THSD7B: variants seen among roughly 807,000 people sequenced by gnomAD.
THSD7B encodes the protein thrombospondin type 1 domain containing 7B.
A neutral mutation model predicts 213.6 loss-of-function variants in THSD7B; 138 were observed. The ratio of observed to expected loss-of-function variants is 0.65; its 90% CI spans 0.56 to 0.74. THSD7B has a LOEUF of 0.74. Among genes scored for constraint, THSD7B ranks in the 30% least tolerant of loss-of-function variants. The pLI is 0.00. For missense variants in THSD7B, 1,931 were observed against 1,991.5 expected (o/e 0.97, Z 0.58); for synonymous variants, 742 against 687.0 (o/e 1.08, Z -1.25).
At chr2:136,999,021 C>T (rs898632779) in intron 2 of THSD7B, among the ~76,000 whole-genome samples, 2 of 151,436 alleles carry the variant, frequency 1.3e-5, no homozygotes, top group African/African-American at 4.9e-5. Flanking sequence ...GTTTCACCTC[C>T]TTGTTGAAGT....
At chr2:137,100,508 T>C (rs1688130177) in intron 4 of THSD7B, among the ~76,000 whole-genome samples, 1 of 152,060 alleles carries the variant, frequency 6.6e-6, no homozygotes, top group African/African-American at 2.4e-5. Flanking sequence ...ATCGTGTCCT[T>C]TAAGAGTGCT....
chr2:137,533,367 C>T (rs937716257), intron 15 of THSD7B, among the ~76,000 whole-genome samples: 1 of 151,778 alleles, frequency 6.6e-6, no homozygotes, highest in Non-Finnish European at 1.5e-5. Flanking sequence ...ACATGAGAGA[C>T]AACTTCTTTA....
intron 3 of THSD7B, among the ~76,000 whole-genome samples, chr2:137,072,381 A>G (rs1687511515): frequency 6.6e-6 from 1 of 151,290 alleles, no homozygotes; most frequent in Admixed American, 6.6e-5. Context: ...TGTGAATGGG[A>G]GTTTACTCAT....
intron 2 of THSD7B, among the ~76,000 whole-genome samples, chr2:137,002,083 G>A (rs1044151205): frequency 3.3e-5 from 5 of 151,936 alleles, no homozygotes; most frequent in Admixed American, 1.3e-4. Context: ...TTTGCCTTCC[G>A]CATATGACTG....
intron 2 of THSD7B, among the ~76,000 whole-genome samples, chr2:136,958,739 G>C (rs7585577): frequency 0.074 from 11,285 of 152,230 alleles, 678 homozygotes; most frequent in African/African-American, 0.16. Context: ...CTGATTTACA[G>C]GAGGGAGGTT....
intron 3 of THSD7B, among the ~76,000 whole-genome samples, chr2:137,059,242 C>T (rs1687225931): frequency 6.6e-6 from 1 of 152,150 alleles, no homozygotes; most frequent in Non-Finnish European, 1.5e-5. Context: ...GCTCCACTCT[C>T]ATGACCTGAT....
At chr2:137,585,378 C>A (rs1376505021) in intron 17 of THSD7B, among the ~76,000 whole-genome samples, 3 of 152,100 alleles carry the variant, frequency 2.0e-5, no homozygotes, top group Non-Finnish European at 4.4e-5. Context: ...TTGCCTTCTG[C>A]TAGCTTTTGA....
intron 12 of THSD7B, among the ~76,000 whole-genome samples, chr2:137,304,734 C>T (rs1470037469): frequency 3.3e-5 from 5 of 151,912 alleles, no homozygotes; most frequent in Non-Finnish European, 7.4e-5. Context: ...AGCCATGGCT[C>T]TCTTTAGGAA....
intron 1 of THSD7B, among the ~76,000 whole-genome samples, chr2:136,816,711 A>G (rs1682480280): frequency 6.6e-6 from 1 of 152,218 alleles, no homozygotes; most frequent in Non-Finnish European, 1.5e-5. Flanking sequence ...AAGGCTGCAC[A>G]TATTTGCATC....
At chr2:137,482,268 C>T (rs1417583030) in intron 15 of THSD7B, among the ~76,000 whole-genome samples, 1 of 151,396 alleles carries the variant, frequency 6.6e-6, no homozygotes, top group Non-Finnish European at 1.5e-5. Flanking sequence ...TAGAGGCCAA[C>T]TTTTCAAATG....
At chr2:136,840,932 G>C (rs1171074099) in intron 1 of THSD7B, among the ~76,000 whole-genome samples, 1 of 152,126 alleles carries the variant, frequency 6.6e-6, no homozygotes, top group African/African-American at 2.4e-5. Flanking sequence ...TTTTTGGTTT[G>C]ATTGGATAGT....
At chr2:136,785,580 C>T (rs192347308) in intron 1 of THSD7B, among the ~76,000 whole-genome samples, 2 of 152,290 alleles carry the variant, frequency 1.3e-5, no homozygotes, top group African/African-American at 4.8e-5. Context: ...AACATGTCTG[C>T]TCTGTTTCAA....
At chr2:137,412,085 T>C (rs1189091734) in intron 14 of THSD7B, among the ~76,000 whole-genome samples, 1 of 152,198 alleles carries the variant, frequency 6.6e-6, no homozygotes, top group Non-Finnish European at 1.5e-5. Flanking sequence ...GATCCCTGAC[T>C]CACTTCATTC....
intron 5 of THSD7B, among the ~76,000 whole-genome samples, chr2:137,123,018 G>A (rs1688570659): frequency 6.6e-6 from 1 of 152,138 alleles, no homozygotes; most frequent in Non-Finnish European, 1.5e-5. Flanking sequence ...CCAGCACTGG[G>A]CACAGTATCT....
At chr2:137,134,965 G>T (rs1679406853) in intron 5 of THSD7B, among the ~76,000 whole-genome samples, 1 of 152,140 alleles carries the variant, frequency 6.6e-6, no homozygotes, top group African/African-American at 2.4e-5. Flanking sequence ...TGCTAGCTAT[G>T]TGACCTTGAC....
intron 2 of THSD7B, among the ~76,000 whole-genome samples, chr2:136,914,810 C>T (rs754968533): frequency 5.9e-5 from 9 of 151,974 alleles, no homozygotes; most frequent in South Asian, 2.1e-4. Context: ...AGCATGAAAA[C>T]GGACTAATAC....
intron 19 of THSD7B, among the ~76,000 whole-genome samples, chr2:137,618,950 T>C (rs1682462018): frequency 6.6e-6 from 1 of 152,232 alleles, no homozygotes; most frequent in Non-Finnish European, 1.5e-5. Flanking sequence ...AATATTTGGA[T>C]AAATAGCAGA....
intron 1 of THSD7B, among the ~76,000 whole-genome samples, chr2:136,872,574 T>A (rs903288456): frequency 5.4e-5 from 8 of 148,014 alleles, no homozygotes; most frequent in African/African-American, 2.1e-4. Context: ...TTTTCTTCTT[T>A]CTCTTTCTTT....
chr2:137,361,975 G>A lies in THSD7B; in HGVS notation c.2501-43638G>A, dbSNP rs561278465. ...AATGAAGGAAAAAATGTTAAGGGCA[G>A]CCAGAGACAAAGGTCAGGTTACCCA... On this transcript the variant is annotated intron_variant, in intron 12 of 27. Transcript: ENST00000409968. Among the ~76,000 whole-genome samples, 82 of 152,218 alleles carry A rather than the reference G, an allele frequency of 5.4e-4. No individual in the cohort carries two copies. In the South Asian group the frequency reaches 0.015, roughly 28 times the overall value.
Sources: allele counts gnomAD v4.1 joint callset (sites outside exome capture counted in the v4.1 genomes callset), GRCh38; gene constraint gnomAD v4.1.1; transcripts MANE v1.5; gene names NCBI Gene and HGNC (gene_info 2026-07-23, HGNC 2026-07-21).